Variants in FUT8 observed in about 807,000 individuals in gnomAD.
FUT8 encodes alpha-(1,6)-fucosyltransferase.
Under a neutral mutation model 71.3 loss-of-function variants are expected in FUT8, and 29 were observed. That is an observed-to-expected ratio of 0.41 (90% confidence interval 0.30 to 0.55). FUT8 has a LOEUF of 0.55. FUT8 is among the 20% of genes least tolerant of loss of function. FUT8 has a pLI of 0.34. For missense variants in FUT8, 544 were observed against 702.1 expected (o/e 0.77, Z 2.55); for synonymous variants, 254 against 239.3 (o/e 1.06, Z -0.57).
intron 7 of FUT8, among the ~76,000 whole-genome samples, chr14:65,676,111 G>A (rs890515671): frequency 1.3e-5 from 2 of 152,172 alleles, no homozygotes; most frequent in Admixed American, 1.3e-4. Flanking sequence ...TTATTAAACT[G>A]TAGATTTTGT....
At chr14:65,461,017 G>C (rs2065961909) in intron 2 of FUT8, among the ~76,000 whole-genome samples, 1 of 152,178 alleles carries the variant, frequency 6.6e-6, no homozygotes, top group African/African-American at 2.4e-5. Context: ...GTGTGTATTA[G>C]TTTTCTAGGG....
intron 3 of FUT8, among the ~76,000 whole-genome samples, chr14:65,582,407 A>G (rs1007778976): frequency 6.6e-6 from 1 of 152,108 alleles, no homozygotes; most frequent in African/African-American, 2.4e-5. Flanking sequence ...AATACTTTCT[A>G]ATTTGCATCC....
chr14:65,489,574 C>G lies in FUT8; in HGVS notation c.-228+33856C>G, dbSNP rs911904163. Reference sequence around the variant, plus strand: ...GATTTGTGATTAAAAAAATAGTTCCCTATTTGAATAATTGTCCAGGAAATT... The same window carrying G: ...GATTTGTGATTAAAAAAATAGTTCCGTATTTGAATAATTGTCCAGGAAATT... On this transcript the variant is annotated intron_variant, in intron 2 of 10. Coordinates refer to ENST00000673929, the MANE Select transcript of FUT8 (RefSeq NM_001371533.1). The surrounding 1 kb of genome is among the most constrained non-coding windows in gnomAD (Gnocchi z 4.0). Among the ~76,000 whole-genome samples, 93 of 152,034 alleles carry G rather than the reference C, an allele frequency of 6.1e-4. No homozygotes were observed. Among genetic ancestry groups the G allele is most frequent in the African/African-American group, 2.1e-3 (87 of 41,502 alleles).
chr14:65,576,477 A>G (rs527758967), intron 3 of FUT8, among the ~76,000 whole-genome samples: 3 of 152,178 alleles, frequency 2.0e-5, no homozygotes, highest in South Asian at 4.2e-4. Flanking sequence ...TCCAAATAGT[A>G]ATATTATTCT....
At chr14:65,616,497 G>A in intron 5 of FUT8, 124 bp downstream of exon 5, 2 of 815,798 alleles carry the variant, frequency 2.5e-6, no homozygotes, top group Non-Finnish European at 3.6e-6. Flanking sequence ...TATTTAAGAG[G>A]CGAAGAGTAC....
intron 6 of FUT8, among the ~76,000 whole-genome samples, chr14:65,666,720 C>T (rs1043227678): frequency 4.3e-4 from 66 of 151,930 alleles, no homozygotes; most frequent in African/African-American, 1.6e-3. Context: ...GACACAAGAA[C>T]AAAAAGAAAA....
intron 2 of FUT8, among the ~76,000 whole-genome samples, chr14:65,540,100 T>C (rs937523853): frequency 5.9e-5 from 9 of 152,204 alleles, no homozygotes; most frequent in Non-Finnish European, 1.2e-4. Context: ...AAAGCACTTA[T>C]TGGGGATAGC....
chr14:65,589,843 A>G (rs949754738), intron 3 of FUT8, among the ~76,000 whole-genome samples: 1 of 152,220 alleles, frequency 6.6e-6, no homozygotes, highest in Non-Finnish European at 1.5e-5. Context: ...ACTTACTTTA[A>G]TTAAATTTTT....
In FUT8 at chr14:65,417,306, C is replaced by T. The variant is rs577135910; in HGVS notation, c.-326+4092C>T. Among the ~76,000 whole-genome samples the T allele has an allele frequency of 5.2e-4, 43 of 83,432 alleles. No individual in the cohort carries two copies. The East Asian group carries it at 0.029, about 56-fold the overall frequency. The allele number at this position is 83,432 out of a possible 152,430, so 54.7% of individuals were successfully genotyped here. A position where few individuals can be genotyped will look rare whatever the true frequency, so the allele number is the denominator to read the frequency against. ...TCTCTTTCTTTCAACATTCTAATCTCCTGGCATTTTTTTCCTTTCCCCAGC... is the reference window on the plus strand; with the variant it reads ...TCTCTTTCTTTCAACATTCTAATCTTCTGGCATTTTTTTCCTTTCCCCAGC... On this transcript the variant is annotated intron_variant, in intron 1 of 10. Coordinates refer to ENST00000673929, the MANE Select transcript of FUT8 (RefSeq NM_001371533.1).
At chr14:65,383,265 C>CTTTTTTTTCTTTTTTTTTTTTTTTT in the FUT8 span, among the ~76,000 whole-genome samples, 2 of 86,514 alleles carry the variant, frequency 2.3e-5, no homozygotes, top group Non-Finnish European at 2.3e-5. Context: ...TTTTTCTTTT[C>CTTTTTTTTCTTTTTTTTTTTTTTTT]TTTTTTTTTT....
At chr14:65,504,420 CCTTT>C (rs1432088629) in intron 2 of FUT8, among the ~76,000 whole-genome samples, 11 of 151,986 alleles carry the variant, frequency 7.2e-5, no homozygotes, top group African/African-American at 2.7e-4. Context: ...TGATGTTTCC[CCTTT>C]CTTTTATCTC....
intron 5 of FUT8, among the ~76,000 whole-genome samples, chr14:65,624,658 G>T (rs534065411): frequency 1.3e-5 from 2 of 152,336 alleles, no homozygotes; most frequent in Non-Finnish European, 2.9e-5. Flanking sequence ...ATGTGCATGT[G>T]TGTAGTGACA....
chr14:65,482,630 A>G (rs2066349096), intron 2 of FUT8, among the ~76,000 whole-genome samples: 1 of 152,138 alleles, frequency 6.6e-6, no homozygotes, highest in Admixed American at 6.6e-5. Flanking sequence ...TGGCTTTATA[A>G]GTCATGAAAT....
chr14:65,392,663 T>G, the FUT8 span, among the ~76,000 whole-genome samples: 2 of 152,202 alleles, frequency 1.3e-5, no homozygotes, highest in Admixed American at 6.5e-5. Flanking sequence ...TAGAAATCAC[T>G]ATAATACATG....
intron 7 of FUT8, among the ~76,000 whole-genome samples, chr14:65,692,619 C>T (rs1298233833): frequency 6.6e-6 from 1 of 150,716 alleles, no homozygotes; most frequent in African/African-American, 2.4e-5. Flanking sequence ...GACCCCCACC[C>T]CCCTCCCAGA....
chr14:65,482,862 G>A (rs79552627), intron 2 of FUT8, among the ~76,000 whole-genome samples: 2 of 152,064 alleles, frequency 1.3e-5, no homozygotes, highest in African/African-American at 4.8e-5. Flanking sequence ...TTGCTTGTTC[G>A]TTTCTGTGTA....
chr14:65,593,248 T>C (rs1887787154), intron 3 of FUT8, among the ~76,000 whole-genome samples: 1 of 152,228 alleles, frequency 6.6e-6, no homozygotes, highest in Non-Finnish European at 1.5e-5. Context: ...TCAATACTTG[T>C]ATGCCTTTTA....
chr14:65,563,535 C>G (rs970082564), intron 3 of FUT8, among the ~76,000 whole-genome samples: 2 of 151,898 alleles, frequency 1.3e-5, no homozygotes, highest in African/African-American at 4.8e-5. Flanking sequence ...AATCAGTGAC[C>G]TAAACATCTT....
chr14:65,558,700 G>A (rs1314443113), intron 2 of FUT8, among the ~76,000 whole-genome samples: 1 of 152,166 alleles, frequency 6.6e-6, no homozygotes, highest in Non-Finnish European at 1.5e-5. Context: ...TTAGTAGATA[G>A]GGAAAAAATT....
Sources: gnomAD v4.1 joint callset for allele counts (sites outside exome capture counted in the v4.1 genomes callset) on GRCh38, gnomAD v4.1.1 for gene constraint, Gnocchi (gnomAD v3.1) non-coding constraint, MANE v1.5 for transcripts, NCBI Gene and HGNC (gene_info 2026-07-23, HGNC 2026-07-21) for gene names.